The following ITPA variants were observed in gnomAD, a reference collection of about 807,000 sequenced individuals.
The protein encoded by ITPA is inosine triphosphate pyrophosphatase.
A neutral mutation model predicts 29.6 loss-of-function variants in ITPA; 29 were observed. That is an observed-to-expected ratio of 0.98 (90% confidence interval 0.73 to 1.34). The LOEUF (loss-of-function observed/expected upper bound fraction) is 1.34. Among genes scored for constraint, ITPA ranks in the 40% most tolerant of loss-of-function variants. The pLI is 0.00. For missense variants in ITPA, 241 were observed against 251.5 expected (o/e 0.96, Z 0.28); for synonymous variants, 103 against 99.3 (o/e 1.04, Z -0.22).
In ITPA at chr20:3,212,106, G is replaced by T. The variant is rs372626935; in HGVS notation, c.67-1063G>T. On this transcript the variant is annotated intron_variant, in intron 1 of 7. Transcript: ENST00000380113. ...GGATCTCTTGGGCCCAGGAGGTTGA[G>T]GCTCTAGTGAGCTGTGTTTGTGCCA... 1.1e-4 allele frequency among the ~76,000 whole-genome samples: 17 copies of T among 152,122 alleles called. No individual in the cohort carries two copies. The South Asian group carries it at 3.5e-3, about 32-fold the overall frequency.
At chr20:3,217,041 T>C (rs1373251299) in intron 5 of ITPA, among the ~76,000 whole-genome samples, 1 of 152,062 alleles carries the variant, frequency 6.6e-6, no homozygotes, top group East Asian at 1.9e-4. Flanking sequence ...CCACCACGCC[T>C]AGCTAATTTT....
chr20:3,219,847 G>A (rs1403697001), intron 6 of ITPA, among the ~76,000 whole-genome samples: 2 of 151,728 alleles, frequency 1.3e-5, no homozygotes, highest in Admixed American at 1.3e-4. Flanking sequence ...AGGAGTTTGA[G>A]ACCAGCCTGG....
chr20:3,227,256 C>T (rs2067565909), downstream of ITPA, among the ~76,000 whole-genome samples: 1 of 152,238 alleles, frequency 6.6e-6, no homozygotes, highest in Non-Finnish European at 1.5e-5. Flanking sequence ...CTGGATCTTC[C>T]ATGTTTCACT....
downstream of ITPA, among the ~76,000 whole-genome samples, chr20:3,225,379 A>AC (rs2067543636): frequency 1.3e-5 from 2 of 151,030 alleles, no homozygotes; most frequent in Admixed American, 6.6e-5. Flanking sequence ...TTCGGTCTCC[A>AC]CCCCCCGCCA....
chr20:3,207,660 C>CT (rs1299240585), upstream of ITPA, among the ~76,000 whole-genome samples: 1 of 151,538 alleles, frequency 6.6e-6, no homozygotes, highest in Non-Finnish European at 1.5e-5. Flanking sequence ...TGCCACTGCA[C>CT]TCAAGCCTGG....
At chr20:3,221,513 TTCTG>T (rs67120188) in intron 6 of ITPA, among the ~76,000 whole-genome samples, 2,390 of 151,462 alleles carry the variant, frequency 0.016, 53 homozygotes, top group African/African-American at 0.055. Flanking sequence ...CTATCTTTCT[TTCTG>T]TCTATCTTTC....
In ITPA at chr20:3,222,150, G is replaced by C. The variant is rs143241940; in HGVS notation, c.488+233G>C. Among the ~76,000 whole-genome samples, 150 of 152,298 alleles carry C rather than the reference G, an allele frequency of 9.8e-4. 1 individual carries two copies. Among genetic ancestry groups the C allele is most frequent in the African/African-American group, 3.5e-3 (145 of 41,568 alleles). On this transcript the variant is annotated intron_variant, in intron 7 of 7. Transcript: ENST00000380113. Reference sequence around the variant, plus strand: ...GAGAGTCCTGGGCTCTAAGGCTCCAGGTCACCCCACATCAGCTGTGTAGCC... The same window carrying C: ...GAGAGTCCTGGGCTCTAAGGCTCCACGTCACCCCACATCAGCTGTGTAGCC...
intron 1 of ITPA, among the ~76,000 whole-genome samples, chr20:3,211,849 C>A (rs1414597325): frequency 6.6e-6 from 1 of 152,174 alleles, no homozygotes; most frequent in Admixed American, 6.6e-5. Flanking sequence ...CCTATGGAAT[C>A]TTTCTCAGGA....
intron 6 of ITPA, among the ~76,000 whole-genome samples, chr20:3,221,569 C>T (rs950303390): frequency 3.5e-5 from 4 of 114,452 alleles, no homozygotes; most frequent in East Asian, 6.3e-4. Context: ...CAATTTGTCC[C>T]GGGTGTGGCT....
At chr20:3,218,908 C>T (rs920297042) in intron 6 of ITPA, 1 of 506,852 alleles carries the variant, frequency 2.0e-6, no homozygotes, top group African/African-American at 1.9e-5. Flanking sequence ...AATTCTGAAA[C>T]CTGTTTGACC....
rs574240602 is a variant in ITPA, at chr20:3,215,751, T to C, written c.295+439T>C. On this transcript the variant is annotated intron_variant, in intron 5 of 7. Transcript: ENST00000380113. The stretch of plus-strand genomic sequence containing the variant: ...CCCAGGCTGGAGTACACCGGTGTGA[T>C]CTCGACTCACTGCAACCTCTGCCTC... Among the ~76,000 whole-genome samples the C allele has an allele frequency of 2.4e-4, 37 of 152,276 alleles. No homozygotes were observed. The South Asian group carries it at 7.1e-3, about 29-fold the overall frequency.
At position 3,213,356 on chromosome 20, in the gene ITPA, A is replaced by G; in HGVS notation, c.162A>G (p.Ile54Met). The change falls in exon 3 of 8, where the codon ATA becomes ATG. Residue 54 changes from isoleucine (I) to methionine (M), a missense_variant. By Grantham distance (10) the Ile-to-Met change is conservative (BLOSUM62 1). Coordinates refer to ENST00000380113, the MANE Select transcript of ITPA (RefSeq NM_033453.4). ...EYQGEPDEIS[I>M]QKCQEAVRQV... ...AGGGGGAGCCGGATGAGATTTCCAT[A>G]CAGAAATGTCAGGAGGCAGTTCGCC... 6.2e-7 allele frequency: 1 copy of G among 1,614,108 alleles called. No homozygotes were observed. The highest frequency in any genetic ancestry group is 8.5e-7 in the Non-Finnish European group (1 of 1,180,036).
chr20:3,223,586 A>C lies in ITPA; in HGVS notation c.*124A>C. ...GGGTTTCCCCTTTGTGAGGGTGTCG[A>C]GTAGCCTCACCGGCCTGTCTGGAGG... On this transcript the variant is annotated 3_prime_UTR_variant, in exon 8 of 8. Coordinates refer to ENST00000380113, the MANE Select transcript of ITPA (RefSeq NM_033453.4). 1 of 747,672 alleles carries C rather than the reference A, an allele frequency of 1.3e-6. No individual in the cohort carries two copies. Among genetic ancestry groups the C allele is most frequent in the Non-Finnish European group, 2.3e-6 (1 of 431,494 alleles). The allele number at this position is 747,672 out of a possible 1,614,324, so 46.3% of individuals were successfully genotyped here.
intron 5 of ITPA, among the ~76,000 whole-genome samples, chr20:3,216,346 G>A (rs913417606): frequency 1.3e-5 from 2 of 150,168 alleles, no homozygotes; most frequent in African/African-American, 2.5e-5. Context: ...TTTTAGTAGC[G>A]TTGGGATTTC....
At chr20:3,209,267 TG>T, upstream of ITPA, 1 of 374,106 alleles carries the variant, frequency 2.7e-6, no homozygotes, top group Non-Finnish European at 4.6e-6. This position sits in a 1 kb window ranked among gnomAD's most constrained non-coding sequence, Gnocchi z 4.6. Context: ...AGGGGCGGGG[TG>T]GGGGTGGGAG....
At chr20:3,225,340 G>C (rs1457784438), downstream of ITPA, among the ~76,000 whole-genome samples, 1 of 152,192 alleles carries the variant, frequency 6.6e-6, no homozygotes, top group East Asian at 1.9e-4. Flanking sequence ...GTTATGGAAA[G>C]ACCAAGACAG....
rs372604621 is a variant in ITPA, at chr20:3,217,905, G to GT, written c.296-612_296-611insT. ...CTATTACAGTTGGTTAGTTTTTGTG[G>GT]GTTTTTTTTTGTTTTTGTTTTTTCT... On this transcript the variant is annotated intron_variant, in intron 5 of 7. Transcript: ENST00000380113. 3.5e-3 allele frequency among the ~76,000 whole-genome samples: 512 copies of GT among 146,302 alleles called. 4 individuals carry two copies. The highest frequency in any genetic ancestry group is 0.012 in the African/African-American group (461 of 39,980).
chr20:3,225,093 A>G (rs1255151974), downstream of ITPA, among the ~76,000 whole-genome samples: 1 of 152,094 alleles, frequency 6.6e-6, no homozygotes, highest in Non-Finnish European at 1.5e-5. Context: ...GGACACAGCT[A>G]CTCAGGATTC....
At chr20:3,215,370 C>G (rs2067270462) in intron 5 of ITPA, 58 bp downstream of exon 5, 6 of 1,536,678 alleles carry the variant, frequency 3.9e-6, no homozygotes, top group Non-Finnish European at 5.4e-6. Flanking sequence ...TGGGCTTTGT[C>G]TAGGGGAGGG....
Sources: gnomAD v4.1 joint callset for allele counts (sites outside exome capture counted in the v4.1 genomes callset) on GRCh38, gnomAD v4.1.1 for gene constraint, Gnocchi (gnomAD v3.1) non-coding constraint, MANE v1.5 for transcripts, NCBI Gene and HGNC (gene_info 2026-07-23, HGNC 2026-07-21) for gene names.